DCDC1: variants seen among roughly 807,000 people sequenced by gnomAD.
DCDC1 encodes the protein doublecortin domain containing 1.
A neutral mutation model predicts 178.3 loss-of-function variants in DCDC1; 200 were observed. That is an observed-to-expected ratio of 1.12 (90% CI 1.00 to 1.26). The LOEUF is 1.26. Ranked by LOEUF, DCDC1 falls within the 50% of genes most tolerant of loss-of-function variation. DCDC1 has a pLI of 0.00. For missense variants in DCDC1, 1,983 were observed against 1,749.2 expected (o/e 1.13, Z -2.38); for synonymous variants, 690 against 604.8 (o/e 1.14, Z -2.07).
chr11:30,881,736 G>C (rs1565020074), intron 36 of DCDC1, among the ~76,000 whole-genome samples: 2 of 152,116 alleles, frequency 1.3e-5, no homozygotes, highest in African/African-American at 2.4e-5. Flanking sequence ...CTTCAAAAGA[G>C]TCTCCTCAAT....
intron 14 of DCDC1, among the ~76,000 whole-genome samples, chr11:31,103,254 T>G (rs1958623190): frequency 6.6e-6 from 1 of 152,222 alleles, no homozygotes; most frequent in African/African-American, 2.4e-5. Context: ...TGCTTTTGTT[T>G]TAAATGTATC....
chr11:31,355,630 C>T (rs1416831214), intron 1 of DCDC1, among the ~76,000 whole-genome samples: 1 of 152,040 alleles, frequency 6.6e-6, no homozygotes. Context: ...TGCAGTGGCA[C>T]AATCTCTGCT....
chr11:31,187,246 A>T (rs1013410039), intron 9 of DCDC1, among the ~76,000 whole-genome samples: 2 of 152,232 alleles, frequency 1.3e-5, no homozygotes, highest in African/African-American at 4.8e-5. Context: ...ACAGCACAGT[A>T]TCTAATGCCA....
At position 31,022,643 on chromosome 11, in the gene DCDC1, TTGTGTGTGTGTGTGTGTG is replaced by T. The variant is rs4067986; in HGVS notation, c.2591+41808_2591+41825del. Among the ~76,000 whole-genome samples the T allele has an allele frequency of 3.3e-5, 4 of 121,048 alleles. 1 individual carries two copies. Among genetic ancestry groups the T allele is most frequent in the Admixed American group, 8.7e-5 (1 of 11,546 alleles). 79.4% of individuals were successfully genotyped at this position (121,048 alleles called of 152,430 possible). ...TCTTGTTTATCTAGTGTCTTTTAGT[TTGTGTGTGTGTGTGTGTG>T]TGTGTGTGTGTGTGTGTGTGTGTGT... On this transcript the variant is annotated intron_variant, in intron 20 of 38. Transcript: ENST00000684477.
chr11:31,211,864 C>T (rs1193472512), intron 9 of DCDC1, among the ~76,000 whole-genome samples: 2 of 151,940 alleles, frequency 1.3e-5, no homozygotes, highest in African/African-American at 2.4e-5. Flanking sequence ...AGGTGGATCA[C>T]GAGGTCAGGA....
At chr11:31,201,126 G>A (rs1971241610) in intron 9 of DCDC1, among the ~76,000 whole-genome samples, 2 of 151,980 alleles carry the variant, frequency 1.3e-5, no homozygotes, top group South Asian at 4.2e-4. Context: ...TTATATCTGT[G>A]AACTTAGAGG....
intron 8 of DCDC1, among the ~76,000 whole-genome samples, chr11:31,265,142 AAC>A (rs1358146703): frequency 6.6e-6 from 1 of 152,170 alleles, no homozygotes; most frequent in African/African-American, 2.4e-5. Flanking sequence ...AGTTGACCAA[AAC>A]AGTTTTAAAA....
At chr11:31,331,506 T>C (rs1949985581) in intron 2 of DCDC1, among the ~76,000 whole-genome samples, 1 of 152,210 alleles carries the variant, frequency 6.6e-6, no homozygotes, top group Admixed American at 6.5e-5. Context: ...CAGTATGATA[T>C]TGGCTGGGGG....
chr11:31,325,241 T>C (rs1377778362), intron 3 of DCDC1, among the ~76,000 whole-genome samples: 1 of 152,156 alleles, frequency 6.6e-6, no homozygotes, highest in Non-Finnish European at 1.5e-5. Flanking sequence ...TATGCCTGGA[T>C]ACCTGTTACT....
chr11:31,181,335 C>A (rs1042129887), intron 9 of DCDC1, among the ~76,000 whole-genome samples: 1 of 152,202 alleles, frequency 6.6e-6, no homozygotes, highest in South Asian at 2.1e-4. Flanking sequence ...AAGAGAGCAG[C>A]GGACTGCCCA....
At chr11:30,915,394 T>C (rs1039122527) in intron 27 of DCDC1, 117 bp downstream of exon 27, 15 of 1,100,754 alleles carry the variant, frequency 1.4e-5, no homozygotes, top group Admixed American at 5.0e-5. Context: ...TCAGCTAAGT[T>C]AAATAGAAGA....
At chr11:31,325,154 C>A (rs1316224334) in intron 3 of DCDC1, among the ~76,000 whole-genome samples, 1 of 152,102 alleles carries the variant, frequency 6.6e-6, no homozygotes, top group Non-Finnish European at 1.5e-5. Flanking sequence ...CAACATTCTC[C>A]TCATGTAAAA....
chr11:31,041,814 C>G (rs925581681), intron 20 of DCDC1, among the ~76,000 whole-genome samples: 1 of 152,112 alleles, frequency 6.6e-6, no homozygotes, highest in Non-Finnish European at 1.5e-5. Context: ...CTTACTGCCT[C>G]TAGATGACCT....
intron 20 of DCDC1, among the ~76,000 whole-genome samples, chr11:30,985,412 T>A (rs1950590594): frequency 1.3e-5 from 2 of 152,140 alleles, no homozygotes; most frequent in South Asian, 4.1e-4. Flanking sequence ...AACACTGCAG[T>A]ATGTTGAAGT....
At chr11:31,233,259 A>G (rs553295511) in intron 9 of DCDC1, among the ~76,000 whole-genome samples, 1 of 152,184 alleles carries the variant, frequency 6.6e-6, no homozygotes, top group Non-Finnish European at 1.5e-5. Context: ...TTAAGTTCCC[A>G]TAATACATAG....
intron 20 of DCDC1, among the ~76,000 whole-genome samples, chr11:30,982,385 T>A (rs1239404875): frequency 6.6e-6 from 1 of 152,354 alleles, no homozygotes; most frequent in South Asian, 2.1e-4. Context: ...AAAACTTTCA[T>A]AACATTGCTT....
chr11:31,039,618 A>G (rs1036430066), intron 20 of DCDC1, among the ~76,000 whole-genome samples: 1 of 152,168 alleles, frequency 6.6e-6, no homozygotes, highest in African/African-American at 2.4e-5. Flanking sequence ...AGGAGTCAGA[A>G]ATTATAGATT....
At chr11:30,918,038 T>C (rs1056014824) in intron 25 of DCDC1, among the ~76,000 whole-genome samples, 1 of 148,838 alleles carries the variant, frequency 6.7e-6, no homozygotes, top group Non-Finnish European at 1.5e-5. Flanking sequence ...AACCTCTCCC[T>C]TTACAGTTAA....
At chr11:31,015,269 A>T (rs917731409) in intron 20 of DCDC1, among the ~76,000 whole-genome samples, 1 of 152,004 alleles carries the variant, frequency 6.6e-6, no homozygotes. Flanking sequence ...TCTTGATTCT[A>T]TATTAGCTAT....
Sources: gnomAD v4.1 joint callset for allele counts (sites outside exome capture counted in the v4.1 genomes callset) on GRCh38, gnomAD v4.1.1 for gene constraint, MANE v1.5 for transcripts, NCBI Gene and HGNC (gene_info 2026-07-23, HGNC 2026-07-21) for gene names.